FGF13: variants seen among roughly 807,000 people sequenced by gnomAD.
The protein encoded by FGF13 is fibroblast growth factor 13, also known as fibroblast growth factor homologous factor 2.
FGF13 carries 2 observed loss-of-function variants against 19.5 expected under a neutral mutation model. That is an observed-to-expected ratio of 0.10 (90% CI 0.04 to 0.32). The LOEUF is 0.32. Among genes scored for constraint, FGF13 ranks in the 10% least tolerant of loss-of-function variants. The probability of loss-of-function intolerance (pLI) is 1.00; values close to 1 mark genes in which losing one functional copy is unlikely to be tolerated. For missense variants in FGF13, 113 were observed against 192.7 expected, an observed-to-expected ratio of 0.59 and a Z score of 2.45; for synonymous variants, 72 against 76.9, an observed-to-expected ratio of 0.94 and a Z score of 0.33.
chrX:138,845,637 G>A (rs991850620), intron 3 of FGF13, among the ~76,000 whole-genome samples: 1 of 111,098 alleles, frequency 9.0e-6, no homozygotes, highest in Non-Finnish European at 1.9e-5. Flanking sequence ...AAGAAAAAGC[G>A]GCACTAGAGG....
intron 1 of FGF13, among the ~76,000 whole-genome samples, chrX:138,946,181 T>C (rs1339042557): frequency 2.7e-5 from 3 of 111,727 alleles, no homozygotes; most frequent in South Asian, 3.7e-4. Context: ...TTGTGACAAT[T>C]AGAAATAACA....
intron 1 of FGF13, among the ~76,000 whole-genome samples, chrX:139,122,509 A>T (rs1430929914): frequency 9.0e-6 from 1 of 111,550 alleles, no homozygotes; most frequent in African/African-American, 3.3e-5. Context: ...ATTCTCACTC[A>T]TCTTATTCAA....
intron 3 of FGF13, among the ~76,000 whole-genome samples, chrX:138,637,861 G>A (rs1413296364): frequency 8.9e-6 from 1 of 111,797 alleles, no homozygotes; most frequent in Non-Finnish European, 1.9e-5. Flanking sequence ...CATTTTAGCC[G>A]AGCTTTTCAA....
chrX:139,071,588 A>T (rs2092376721), intron 1 of FGF13, among the ~76,000 whole-genome samples: 1 of 111,919 alleles, frequency 8.9e-6, no homozygotes, highest in African/African-American at 3.2e-5. Context: ...TACTTTATCA[A>T]TAACACTGGT....
chrX:139,022,417 A>T (rs948040141), intron 1 of FGF13, among the ~76,000 whole-genome samples: 1 of 111,920 alleles, frequency 8.9e-6, no homozygotes, highest in African/African-American at 3.2e-5. Flanking sequence ...TAATTTTCCT[A>T]CATTTATTTA....
At chrX:139,146,256 C>T (rs2083888369) in intron 1 of FGF13, among the ~76,000 whole-genome samples, 1 of 112,123 alleles carries the variant, frequency 8.9e-6, no homozygotes, top group South Asian at 3.7e-4. Context: ...CTACAAAGAA[C>T]TTAAACAAAT....
chrX:138,917,312 A>T (rs1365878153), intron 1 of FGF13, among the ~76,000 whole-genome samples: 1 of 111,349 alleles, frequency 9.0e-6, no homozygotes. Context: ...AGCCCCTATA[A>T]TTACTGTTCT....
chrX:138,692,881 A>T (rs1201068588), intron 3 of FGF13, among the ~76,000 whole-genome samples: 1 of 111,153 alleles, frequency 9.0e-6, no homozygotes, highest in East Asian at 2.8e-4. Flanking sequence ...CACTCTGTTA[A>T]ATATGTGCTC....
intron 1 of FGF13, among the ~76,000 whole-genome samples, chrX:138,738,364 G>A (rs2090295532): frequency 8.9e-6 from 1 of 112,208 alleles, no homozygotes. Flanking sequence ...GGGTTTCAAT[G>A]AAAGTGTTTG....
intron 1 of FGF13, among the ~76,000 whole-genome samples, chrX:139,008,076 A>G (rs1423969892): frequency 1.8e-5 from 2 of 112,127 alleles, no homozygotes; most frequent in Non-Finnish European, 3.8e-5. Context: ...AGATGCAGCT[A>G]TAATCACCCA....
At chrX:139,050,227 C>T (rs1415808999) in intron 1 of FGF13, among the ~76,000 whole-genome samples, 1 of 111,916 alleles carries the variant, frequency 8.9e-6, no homozygotes, top group Non-Finnish European at 1.9e-5. Context: ...TTCAAGTCTT[C>T]CCCCTTAGCC....
At chrX:138,962,594 C>G (rs1469618483) in intron 1 of FGF13, among the ~76,000 whole-genome samples, 1 of 112,101 alleles carries the variant, frequency 8.9e-6, no homozygotes, top group African/African-American at 3.2e-5. Flanking sequence ...TGGAACCAAG[C>G]CAAATGTCCA....
At chrX:138,791,922 C>T (rs1221193509) in intron 3 of FGF13, among the ~76,000 whole-genome samples, 1 of 111,694 alleles carries the variant, frequency 9.0e-6, no homozygotes, top group Non-Finnish European at 1.9e-5. Flanking sequence ...AAAATGTTTG[C>T]CCATTAATAT....
intron 1 of FGF13, among the ~76,000 whole-genome samples, chrX:139,042,156 A>T (rs1250659047): frequency 8.9e-6 from 1 of 112,418 alleles, no homozygotes; most frequent in East Asian, 2.8e-4. Flanking sequence ...TAAAGACGGC[A>T]TGGTTACATG....
chrX:138,793,845 C>T (rs2090758812), intron 3 of FGF13, among the ~76,000 whole-genome samples: 1 of 112,030 alleles, frequency 8.9e-6, no homozygotes, highest in Non-Finnish European at 1.9e-5. Context: ...CAATAACTAA[C>T]TCATTGAGAT....
intron 3 of FGF13, among the ~76,000 whole-genome samples, chrX:138,653,628 C>A (rs1160690327): frequency 9.0e-6 from 1 of 111,091 alleles, no homozygotes; most frequent in African/African-American, 3.3e-5. Context: ...AGTAACGTAT[C>A]TAATCAAATA....
At chrX:139,113,113 T>C (rs2083615977) in intron 1 of FGF13, among the ~76,000 whole-genome samples, 2 of 109,439 alleles carry the variant, frequency 1.8e-5, no homozygotes, top group Non-Finnish European at 3.8e-5. Flanking sequence ...AAAGGGTAAA[T>C]GTTCACAACC....
At chrX:138,713,582 T>A (rs984653489), upstream of FGF13, among the ~76,000 whole-genome samples, 2 of 111,853 alleles carry the variant, frequency 1.8e-5, no homozygotes, top group Non-Finnish European at 3.8e-5. Context: ...AGGATGAAGT[T>A]CTGATTCAGG....
At chrX:138,901,464 G>C (rs1293700709) in intron 1 of FGF13, among the ~76,000 whole-genome samples, 1 of 111,572 alleles carries the variant, frequency 9.0e-6, no homozygotes, top group East Asian at 2.8e-4. Context: ...GCCTGTGCAA[G>C]AGGCCAGGGC....
Sources: allele counts gnomAD v4.1 joint callset (sites outside exome capture counted in the v4.1 genomes callset), GRCh38; gene constraint gnomAD v4.1.1; transcripts MANE v1.5; gene names NCBI Gene and HGNC (gene_info 2026-07-23, HGNC 2026-07-21).